CMTM4: variants seen among roughly 807,000 people sequenced by gnomAD.
CMTM4 encodes CKLF like MARVEL transmembrane domain containing 4, also known as CKLF-like MARVEL transmembrane domain-containing protein 4.
CMTM4 carries 8 observed loss-of-function variants against 19.0 expected under a neutral mutation model. The observed-to-expected ratio is 0.42, with a 90% CI of 0.25 to 0.76. The LOEUF (loss-of-function observed/expected upper bound fraction) is 0.76, where lower values mean the gene tolerates loss of function less well. CMTM4 is among the 30% of genes least tolerant of loss of function. The probability of loss-of-function intolerance (pLI) is 0.27; values close to 1 mark genes in which losing one functional copy is unlikely to be tolerated. For missense variants in CMTM4, 228 were observed against 290.2 expected (o/e 0.79, Z 1.56); for synonymous variants, 106 against 121.1 (o/e 0.88, Z 0.82).
At chr16:66,656,193 A>G (rs2016394762) in intron 1 of CMTM4, among the ~76,000 whole-genome samples, 1 of 152,154 alleles carries the variant, frequency 6.6e-6, no homozygotes, top group African/African-American at 2.4e-5. Context: ...GTTCATACAA[A>G]TTAAGAAGGG....
chr16:66,638,311 T>A (rs1156338237), intron 1 of CMTM4, among the ~76,000 whole-genome samples: 1 of 152,162 alleles, frequency 6.6e-6, no homozygotes, highest in African/African-American at 2.4e-5. Flanking sequence ...AAAACCCACA[T>A]CTACAATTCC....
chr16:66,630,491 G>A (rs1203013124), intron 2 of CMTM4, among the ~76,000 whole-genome samples: 9 of 151,742 alleles, frequency 5.9e-5, no homozygotes, highest in African/African-American at 1.5e-4. Flanking sequence ...GGCGCGCGCC[G>A]CCACGCCTGA....
chr16:66,658,018 C>T (rs1407203598), intron 1 of CMTM4, among the ~76,000 whole-genome samples: 1 of 152,024 alleles, frequency 6.6e-6, no homozygotes, highest in Non-Finnish European at 1.5e-5. Flanking sequence ...GCCTGGAGTT[C>T]GAGACCAGCC....
intron 1 of CMTM4, among the ~76,000 whole-genome samples, chr16:66,670,424 A>G (rs2016681576): frequency 1.4e-5 from 2 of 138,804 alleles, no homozygotes; most frequent in Admixed American, 1.5e-4. Flanking sequence ...TGGGCGACAG[A>G]GCAAGACTCT....
At chr16:66,610,206 T>G (rs1054810969), downstream of CMTM4, 2 of 668,152 alleles carry the variant, frequency 3.0e-6, no homozygotes, top group East Asian at 2.8e-5. This position sits in a 1 kb window ranked among gnomAD's most constrained non-coding sequence, Gnocchi z 4.6. Flanking sequence ...CACCCCAGCC[T>G]TTCTAGGAGG....
intron 2 of CMTM4, among the ~76,000 whole-genome samples, chr16:66,632,410 C>T (rs988420754): frequency 6.6e-6 from 1 of 152,168 alleles, no homozygotes; most frequent in Non-Finnish European, 1.5e-5. Flanking sequence ...CTGGAAAATA[C>T]ACATGGGAAG....
chr16:66,681,839 A>T (rs2016921377), intron 1 of CMTM4, among the ~76,000 whole-genome samples: 1 of 152,098 alleles, frequency 6.6e-6, no homozygotes, highest in African/African-American at 2.4e-5. Context: ...CTGGTGAACC[A>T]CACTTGACTC....
chr16:66,621,764 G>C lies in CMTM4; in HGVS notation c.*294C>G. 1 of 1,229,762 alleles carries C rather than the reference G, an allele frequency of 8.1e-7. No homozygotes were observed. Among genetic ancestry groups the C allele is most frequent in the South Asian group, 2.4e-5 (1 of 41,766 alleles). 76.2% of individuals were successfully genotyped at this position (1,229,762 alleles called of 1,614,324 possible). ...CCAAAGTCTTGTTACAAATACACAC[G>C]ACAAGGTGGCTCAGAGTCAAAGGAA... On this transcript the variant is annotated 3_prime_UTR_variant, in exon 4 of 4. Coordinates refer to ENST00000394106, the MANE Select transcript of CMTM4 (RefSeq NM_181521.3).
At chr16:66,600,155 T>G in the CMTM4 span, among the ~76,000 whole-genome samples, 37 of 148,750 alleles carry the variant, frequency 2.5e-4, no homozygotes, top group Middle Eastern at 6.9e-3. Context: ...TGTTTTTTTT[T>G]TTTTTGAGAT....
At chr16:66,628,698 G>A (rs1389692324) in intron 2 of CMTM4, among the ~76,000 whole-genome samples, 2 of 152,148 alleles carry the variant, frequency 1.3e-5, no homozygotes, top group Non-Finnish European at 2.9e-5. Flanking sequence ...TTTCTACATA[G>A]ACACAGTAAC....
In CMTM4 at chr16:66,696,428, G is replaced by C; in HGVS notation, c.98C>G (p.Pro33Arg). 7.2e-7 allele frequency: 1 copy of C among 1,395,168 alleles called. No individual in the cohort carries two copies. Among genetic ancestry groups the C allele is most frequent in the Non-Finnish European group, 9.3e-7 (1 of 1,076,306 alleles). The allele number at this position is 1,395,168 out of a possible 1,614,324, so 86.4% of individuals were successfully genotyped here. A position where few individuals can be genotyped will look rare whatever the true frequency, so the allele number is the denominator to read the frequency against. The change falls in exon 1 of 4, where the codon CCG (proline) becomes CGG (arginine). Residue 33 changes from proline to arginine, a missense_variant. Pro to Arg is a moderately radical substitution (Grantham distance 103). Transcript: ENST00000394106. This position sits in a 1 kb window ranked among gnomAD's most constrained non-coding sequence, Gnocchi z 4.3. ...ASSPYQPTTE[P>R]VSQRRGLAGL... ...GGCCAGCCCGCGGCGCTGGCTCACC[G>C]GCTCGGTGGTGGGCTGGTACGGGCT...
At chr16:66,601,899 G>A in the CMTM4 span, among the ~76,000 whole-genome samples, 1 of 152,202 alleles carries the variant, frequency 6.6e-6, no homozygotes, top group Non-Finnish European at 1.5e-5. Context: ...CCCCATGGAG[G>A]AGGCCCCATT....
chr16:66,653,825 C>T (rs1188789210), intron 1 of CMTM4, among the ~76,000 whole-genome samples: 1 of 152,160 alleles, frequency 6.6e-6, no homozygotes, highest in Non-Finnish European at 1.5e-5. Context: ...CCTCTGCCTA[C>T]CGGGTTCAAG....
the CMTM4 span, among the ~76,000 whole-genome samples, chr16:66,599,912 A>C: frequency 6.6e-6 from 1 of 152,078 alleles, no homozygotes. Flanking sequence ...TTTTGAAGCC[A>C]TTTCAGTAGA....
At chr16:66,602,574 C>T in the CMTM4 span, among the ~76,000 whole-genome samples, 1 of 151,992 alleles carries the variant, frequency 6.6e-6, no homozygotes, top group Non-Finnish European at 1.5e-5. Flanking sequence ...CTCACTCTGC[C>T]GCCCAGGCTG....
downstream of CMTM4, among the ~76,000 whole-genome samples, chr16:66,612,232 C>G (rs2015403613): frequency 1.3e-5 from 2 of 152,144 alleles, no homozygotes; most frequent in Non-Finnish European, 2.9e-5. This position sits in a 1 kb window ranked among gnomAD's most constrained non-coding sequence, Gnocchi z 6.0. Context: ...CTGGTGAAAG[C>G]CCATCTCTAC....
chr16:66,623,594 T>C, intron 2 of CMTM4, 92 bp from the exon 3 acceptor site: 3 of 768,660 alleles, frequency 3.9e-6, no homozygotes, highest in Non-Finnish European at 6.3e-6. Context: ...AGACCCACGA[T>C]ACCCAACCTC....
intron 1 of CMTM4, among the ~76,000 whole-genome samples, chr16:66,660,197 G>A (rs147617440): frequency 2.1e-4 from 32 of 152,070 alleles, no homozygotes; most frequent in Non-Finnish European, 3.2e-4. Flanking sequence ...AGACCAGCCC[G>A]GGCAATCTAG....
At chr16:66,695,657 C>T (rs1717055328) in intron 1 of CMTM4, among the ~76,000 whole-genome samples, 1 of 152,176 alleles carries the variant, frequency 6.6e-6, no homozygotes, top group Non-Finnish European at 1.5e-5. Flanking sequence ...TCTGCTACCT[C>T]CAAAACTGGC....
Sources: gnomAD v4.1 joint callset for allele counts (sites outside exome capture counted in the v4.1 genomes callset) on GRCh38, gnomAD v4.1.1 for gene constraint, Gnocchi (gnomAD v3.1) non-coding constraint, MANE v1.5 for transcripts, NCBI Gene and HGNC (gene_info 2026-07-23, HGNC 2026-07-21) for gene names.